ARHGAP21: variants seen among roughly 807,000 people sequenced by gnomAD.
ARHGAP21 encodes the protein rho GTPase-activating protein 21.
A neutral mutation model predicts 164.6 loss-of-function variants in ARHGAP21; 38 were observed. The ratio of observed to expected loss-of-function variants is 0.23; its 90% confidence interval spans 0.18 to 0.30. The LOEUF (loss-of-function observed/expected upper bound fraction) is 0.30, where lower values mean the gene tolerates loss of function less well. Ranked by LOEUF, ARHGAP21 falls within the 10% of genes least tolerant of loss-of-function variation. The probability of loss-of-function intolerance (pLI) is 1.00; values close to 1 mark genes in which losing one functional copy is unlikely to be tolerated. For synonymous variants in ARHGAP21, 766 were observed against 857.9 expected (o/e 0.89, Z 1.87); for missense variants, 1,822 against 2,370.7 (o/e 0.77, Z 4.81).
intron 2 of ARHGAP21, among the ~76,000 whole-genome samples, chr10:24,716,395 G>C (rs775217827): frequency 6.6e-6 from 1 of 152,214 alleles, no homozygotes; most frequent in Admixed American, 6.5e-5. Context: ...GCAAAAGCCC[G>C]AAGGAGCCAA....
Position 24,670,294 on chromosome 10 carries a change from G to A in ARHGAP21, c.167C>T (p.Thr56Ile). The change falls in exon 3 of 26, where the codon ACA becomes ATA. Residue 56 changes from threonine (T) to isoleucine (I), a missense_variant. By Grantham distance (89) the Thr-to-Ile change is moderately conservative. Coordinates refer to ENST00000396432, the MANE Select transcript of ARHGAP21 (RefSeq NM_020824.4). ...TAATGTAAAACCAAAGCCTTGAGAT[G>A]TTCTTTTCAACGTAACTGTTTTGGG... Reference protein sequence around the residue: ...PGPKTVTLKRTSQGFGFTLRH... With the variant: ...PGPKTVTLKRISQGFGFTLRH... 3.1e-6 allele frequency: 5 copies of A among 1,609,742 alleles called. No individual in the cohort carries two copies. Among genetic ancestry groups the A allele is most frequent in the Non-Finnish European group, 3.4e-6 (4 of 1,177,640 alleles).
intron 4 of ARHGAP21, among the ~76,000 whole-genome samples, chr10:24,642,258 G>A (rs938660503): frequency 6.6e-6 from 1 of 152,018 alleles, no homozygotes; most frequent in African/African-American, 2.4e-5. Context: ...GCTCACGCCT[G>A]TAATCCCAGC....
chr10:24,695,580 A>G (rs1843109209), intron 2 of ARHGAP21, among the ~76,000 whole-genome samples: 1 of 152,028 alleles, frequency 6.6e-6, no homozygotes, highest in Non-Finnish European at 1.5e-5. Flanking sequence ...AAAAAAAAAA[A>G]AGAATAGAAT....
intron 2 of ARHGAP21, among the ~76,000 whole-genome samples, chr10:24,714,072 T>G (rs1289097084): frequency 1.3e-5 from 2 of 152,224 alleles, no homozygotes; most frequent in Non-Finnish European, 2.9e-5. Flanking sequence ...GGACAATCTT[T>G]AAGTCCAATA....
intron 25 of ARHGAP21, among the ~76,000 whole-genome samples, chr10:24,588,082 AAAGAAATGC>A (rs1262532381): frequency 1.3e-5 from 2 of 152,236 alleles, no homozygotes; most frequent in African/African-American, 2.4e-5. Flanking sequence ...GAGATTTGAC[AAAGAAATGC>A]AAGGAATGAT....
chr10:24,595,373 T>C (rs2076534136), intron 19 of ARHGAP21, among the ~76,000 whole-genome samples, 183 bp from the exon 20 acceptor site: 1 of 152,116 alleles, frequency 6.6e-6, no homozygotes, highest in Non-Finnish European at 1.5e-5. Context: ...GCCTGTCCAT[T>C]CCTCCCCCAC....
chr10:24,645,795 T>C (rs1837510910), intron 4 of ARHGAP21, among the ~76,000 whole-genome samples: 1 of 152,150 alleles, frequency 6.6e-6, no homozygotes, highest in Non-Finnish European at 1.5e-5. Flanking sequence ...CTGCTCTACA[T>C]TCCAACTGAG....
chr10:24,590,536 G>C (rs1046626412), intron 24 of ARHGAP21: 1 of 1,516,116 alleles, frequency 6.6e-7, no homozygotes, highest in Non-Finnish European at 8.8e-7. Flanking sequence ...AAACCCTTTA[G>C]GACTAAAACA....
At chr10:24,712,958 T>C (rs1844980711) in intron 2 of ARHGAP21, among the ~76,000 whole-genome samples, 1 of 151,584 alleles carries the variant, frequency 6.6e-6, no homozygotes, top group Admixed American at 6.6e-5. Flanking sequence ...TACTGGGTAT[T>C]ACAGAGGTAT....
intron 25 of ARHGAP21, among the ~76,000 whole-genome samples, chr10:24,588,428 GTA>G (rs1592916777): frequency 2.0e-5 from 3 of 152,190 alleles, no homozygotes; most frequent in South Asian, 2.1e-4. Flanking sequence ...CAGCTTTTCT[GTA>G]GGTTTAACAT....
chr10:24,700,844 T>C (rs923212215), intron 2 of ARHGAP21, among the ~76,000 whole-genome samples: 1 of 152,222 alleles, frequency 6.6e-6, no homozygotes, highest in Non-Finnish European at 1.5e-5. Flanking sequence ...TGTGGAAGAA[T>C]CACCTGACGA....
intron 1 of ARHGAP21, 124 bp downstream of exon 1, chr10:24,723,438 C>G (rs1480682639): frequency 2.0e-5 from 3 of 146,988 alleles, no homozygotes; most frequent in Non-Finnish European, 3.0e-5. Flanking sequence ...CCTCCGGCCC[C>G]GAGCCAGCGC....
At chr10:24,690,723 G>A (rs998723253) in intron 2 of ARHGAP21, among the ~76,000 whole-genome samples, 2 of 151,850 alleles carry the variant, frequency 1.3e-5, no homozygotes, top group Non-Finnish European at 2.9e-5. Flanking sequence ...AGCTACTCAG[G>A]ACGCTGAGGC....
chr10:24,674,436 G>A (rs893699709), intron 2 of ARHGAP21, among the ~76,000 whole-genome samples: 5 of 151,962 alleles, frequency 3.3e-5, no homozygotes, highest in South Asian at 2.1e-4. Context: ...CAGGAGAATC[G>A]CTTGAACCAG....
intron 2 of ARHGAP21, among the ~76,000 whole-genome samples, chr10:24,714,980 A>C (rs1295247089): frequency 2.6e-5 from 4 of 151,998 alleles, no homozygotes; most frequent in African/African-American, 9.7e-5. Flanking sequence ...CAGTGAGCCA[A>C]GATCACGCCA....
At chr10:24,637,861 C>T (rs1836542330) in intron 4 of ARHGAP21, among the ~76,000 whole-genome samples, 2 of 151,044 alleles carry the variant, frequency 1.3e-5, no homozygotes, top group South Asian at 4.2e-4. Context: ...TTAATTCTTG[C>T]TCACATTTTT....
chr10:24,658,152 G>A (rs939228845), intron 4 of ARHGAP21, among the ~76,000 whole-genome samples: 74 of 152,116 alleles, frequency 4.9e-4, no homozygotes, highest in Non-Finnish European at 8.4e-4. Flanking sequence ...TTAGAATGGC[G>A]ATCTTTAAAA....
intron 4 of ARHGAP21, among the ~76,000 whole-genome samples, chr10:24,638,857 C>T (rs1342680824): frequency 2.0e-5 from 3 of 151,950 alleles, no homozygotes; most frequent in African/African-American, 7.3e-5. Flanking sequence ...AAAAAAAGTC[C>T]CATTTTATGT....
intron 21 of ARHGAP21, among the ~76,000 whole-genome samples, 185 bp from the exon 22 acceptor site, chr10:24,592,197 A>G (rs1346950499): frequency 8.3e-6 from 1 of 120,466 alleles, no homozygotes; most frequent in Non-Finnish European, 1.6e-5. Flanking sequence ...ACAGGGTCTC[A>G]CGTTCACCCA....
Sources: gnomAD v4.1 joint callset for allele counts (sites outside exome capture counted in the v4.1 genomes callset) on GRCh38, gnomAD v4.1.1 for gene constraint, MANE v1.5 for transcripts, NCBI Gene and HGNC (gene_info 2026-07-23, HGNC 2026-07-21) for gene names.